ATP9B: variants seen among roughly 807,000 people sequenced by gnomAD.
The protein encoded by ATP9B is probable phospholipid-transporting ATPase IIB.
ATP9B carries 110 observed loss-of-function variants against 146.1 expected under a neutral mutation model. The observed-to-expected ratio is 0.75, with a 90% CI of 0.65 to 0.88. The LOEUF (loss-of-function observed/expected upper bound fraction) is 0.88, where lower values mean the gene tolerates loss of function less well. ATP9B is among the 40% of genes least tolerant of loss of function. ATP9B has a pLI of 0.00. For missense variants in ATP9B, 1,499 were observed against 1,496.4 expected (o/e 1.00, Z -0.03); for synonymous variants, 604 against 569.7 (o/e 1.06, Z -0.86).
chr18:79,274,459 G>T (rs2096285717), intron 12 of ATP9B, among the ~76,000 whole-genome samples: 1 of 152,088 alleles, frequency 6.6e-6, no homozygotes, highest in Non-Finnish European at 1.5e-5. Flanking sequence ...TCCTTATGTG[G>T]TATTAAATAC....
chr18:79,356,593 C>T (rs2096954797), intron 25 of ATP9B, among the ~76,000 whole-genome samples: 1 of 152,236 alleles, frequency 6.6e-6, no homozygotes, highest in Non-Finnish European at 1.5e-5. Flanking sequence ...GATGAATCTC[C>T]AGAGAATTGC....
chr18:79,290,715 C>A (rs1271549204), intron 13 of ATP9B, among the ~76,000 whole-genome samples: 1 of 152,238 alleles, frequency 6.6e-6, no homozygotes, highest in East Asian at 1.9e-4. Flanking sequence ...CTTGCTCACG[C>A]TGGGAGCTGT....
At chr18:79,373,491 C>CTTTTT (rs59813494) in intron 27 of ATP9B, among the ~76,000 whole-genome samples, 1 of 127,798 alleles carries the variant, frequency 7.8e-6, no homozygotes. Context: ...CATTATCCGC[C>CTTTTT]TTTTTTTTTT....
chr18:79,250,247 T>C (rs1301297090), intron 11 of ATP9B, among the ~76,000 whole-genome samples: 1 of 152,248 alleles, frequency 6.6e-6, no homozygotes, highest in Non-Finnish European at 1.5e-5. Flanking sequence ...AGTTCCTCAC[T>C]GCTATGTTGC....
At chr18:79,100,295 C>CTAGT (rs2075167814) in intron 2 of ATP9B, among the ~76,000 whole-genome samples, 1 of 152,110 alleles carries the variant, frequency 6.6e-6, no homozygotes, top group African/African-American at 2.4e-5. Context: ...TGTTGGTTGT[C>CTAGT]TAGTTCAAAT....
intron 12 of ATP9B, among the ~76,000 whole-genome samples, chr18:79,270,547 T>C (rs1338614690): frequency 6.6e-6 from 1 of 152,190 alleles, no homozygotes; most frequent in African/African-American, 2.4e-5. Context: ...TTATTCTTTT[T>C]TTCTCCTTTG....
At chr18:79,238,851 C>T (rs1000113682) in intron 11 of ATP9B, among the ~76,000 whole-genome samples, 6 of 152,094 alleles carry the variant, frequency 3.9e-5, no homozygotes, top group Admixed American at 6.5e-5. Context: ...GGCAGTGACG[C>T]GGACGCAGTG....
chr18:79,256,282 T>TATATATATATATAC (rs2096078012), intron 12 of ATP9B, among the ~76,000 whole-genome samples: 1 of 129,276 alleles, frequency 7.7e-6, no homozygotes, highest in Non-Finnish European at 1.7e-5. Flanking sequence ...TATATATATA[T>TATATATATATATAC]ATATACATAC....
intron 9 of ATP9B, among the ~76,000 whole-genome samples, chr18:79,197,346 TTA>T (rs903177083): frequency 1.3e-5 from 2 of 151,496 alleles, no homozygotes; most frequent in African/African-American, 2.4e-5. Flanking sequence ...TTTATAATCT[TTA>T]TATATATATA....
At chr18:79,312,099 C>CGCCTTCGCCGAGGT (rs973474634) in intron 15 of ATP9B, among the ~76,000 whole-genome samples, 5 of 152,070 alleles carry the variant, frequency 3.3e-5, no homozygotes, top group African/African-American at 1.2e-4. Context: ...TCTGCTCACG[C>CGCCTTCGCCGAGGT]GCCTTCGCCG....
At chr18:79,087,740 G>A (rs1453568656) in intron 1 of ATP9B, 1 of 152,152 alleles carries the variant, frequency 6.6e-6, no homozygotes, top group Non-Finnish European at 1.5e-5. Context: ...TAACTTATGT[G>A]TAACTTATGT....
Position 79,197,641 on chromosome 18 carries a change from G to A in ATP9B, c.954+4378G>A, listed in dbSNP as rs2095428962. Among the ~76,000 whole-genome samples the A allele has an allele frequency of 2.6e-5, 4 of 152,226 alleles. No individual in the cohort carries two copies. In the South Asian group the frequency reaches 8.3e-4, roughly 32 times the overall value. On this transcript the variant is annotated intron_variant, in intron 9 of 29. Transcript: ENST00000426216. ...ATTCTCAGAGCAACCACTAAAAAAAGAAAGAGGTCAGTAGAGGTGATGAAG... is the reference window on the plus strand; with the variant it reads ...ATTCTCAGAGCAACCACTAAAAAAAAAAAGAGGTCAGTAGAGGTGATGAAG...
At chr18:79,362,671 C>G (rs1284400248) in intron 26 of ATP9B, 1 of 152,224 alleles carries the variant, frequency 6.6e-6, no homozygotes, top group Admixed American at 6.5e-5. Flanking sequence ...ACTCCAAGAT[C>G]CAGGCATCAG....
intron 26 of ATP9B, chr18:79,361,764 C>T: frequency 1.0e-6 from 1 of 985,466 alleles, no homozygotes; most frequent in Non-Finnish European, 1.2e-6. Context: ...CAGACTGCAG[C>T]ACTCTGCGTT....
At chr18:79,291,033 C>G (rs11659343) in intron 13 of ATP9B, among the ~76,000 whole-genome samples, 1 of 152,152 alleles carries the variant, frequency 6.6e-6, no homozygotes, top group Non-Finnish European at 1.5e-5. Context: ...ACTGTCTACT[C>G]GGCTCAGTCA....
chr18:79,127,755 C>T (rs924246995), intron 5 of ATP9B, among the ~76,000 whole-genome samples: 10 of 152,114 alleles, frequency 6.6e-5, no homozygotes, highest in African/African-American at 2.4e-4. Context: ...TATTTGGTAA[C>T]TCTATGATTA....
At chr18:79,236,246 G>C (rs2095840204) in intron 11 of ATP9B, among the ~76,000 whole-genome samples, 1 of 152,142 alleles carries the variant, frequency 6.6e-6, no homozygotes, top group South Asian at 2.1e-4. Context: ...GATGAATTAT[G>C]AGGTTTGTTC....
At chr18:79,127,652 A>C (rs1240604707) in intron 5 of ATP9B, among the ~76,000 whole-genome samples, 2 of 152,180 alleles carry the variant, frequency 1.3e-5, no homozygotes, top group Admixed American at 6.5e-5. Flanking sequence ...GACCGTTGTG[A>C]ATAATGCAGC....
intron 3 of ATP9B, among the ~76,000 whole-genome samples, 176 bp downstream of exon 3, chr18:79,110,681 G>T (rs976947622): frequency 6.6e-6 from 1 of 152,132 alleles, no homozygotes; most frequent in Non-Finnish European, 1.5e-5. Flanking sequence ...TAATTCATAT[G>T]TATTTTTAAT....
Sources: gnomAD v4.1 joint callset for allele counts (sites outside exome capture counted in the v4.1 genomes callset) on GRCh38, gnomAD v4.1.1 for gene constraint, MANE v1.5 for transcripts, NCBI Gene and HGNC (gene_info 2026-07-23, HGNC 2026-07-21) for gene names.